ZNF385D: variants seen among roughly 807,000 people sequenced by gnomAD.
ZNF385D encodes the protein zinc finger protein 385D, also known as zinc finger protein 659.
ZNF385D carries 15 observed loss-of-function variants against 35.8 expected under a neutral mutation model. The observed-to-expected ratio is 0.42, with a 90% CI of 0.28 to 0.64. The LOEUF is 0.64. Among genes scored for constraint, ZNF385D ranks in the 30% least tolerant of loss-of-function variants. ZNF385D has a pLI of 0.23. For synonymous variants in ZNF385D, 212 were observed against 186.8 expected (o/e 1.13, Z -1.10); for missense variants, 474 against 494.6 (o/e 0.96, Z 0.39).
chr3:21,644,336 G>C (rs1018103689), intron 2 of ZNF385D, among the ~76,000 whole-genome samples: 1 of 152,112 alleles, frequency 6.6e-6, no homozygotes, highest in South Asian at 2.1e-4. Flanking sequence ...GGTGGCCAGA[G>C]ACTCTCCCCA....
At chr3:22,234,316 A>C (rs1308055598) in intron 2 of ZNF385D, among the ~76,000 whole-genome samples, 1 of 152,116 alleles carries the variant, frequency 6.6e-6, no homozygotes, top group East Asian at 1.9e-4. Context: ...TGCTTCATCC[A>C]GCAATTCAAT....
At chr3:21,650,249 T>C (rs918194716) in intron 2 of ZNF385D, among the ~76,000 whole-genome samples, 1 of 152,144 alleles carries the variant, frequency 6.6e-6, no homozygotes. Flanking sequence ...ACAAAGTTCA[T>C]CTATTTGTCA....
chr3:21,436,202 T>C (rs563626767), intron 5 of ZNF385D, among the ~76,000 whole-genome samples: 12 of 152,106 alleles, frequency 7.9e-5, no homozygotes, highest in African/African-American at 2.9e-4. Context: ...TATATACACA[T>C]ACAGAGCAGC....
chr3:21,576,256 T>C (rs757207841), intron 2 of ZNF385D, among the ~76,000 whole-genome samples: 3 of 152,210 alleles, frequency 2.0e-5, no homozygotes, highest in Non-Finnish European at 4.4e-5. Flanking sequence ...GAGCTGATTT[T>C]GTTCAGAAAA....
chr3:21,813,559 A>C (rs1462192609), intron 3 of ZNF385D, among the ~76,000 whole-genome samples: 1 of 152,220 alleles, frequency 6.6e-6, no homozygotes, highest in Non-Finnish European at 1.5e-5. Flanking sequence ...ACTCATGCAC[A>C]AGCTTCAGTA....
At chr3:22,295,122 A>G (rs1182980975) in intron 2 of ZNF385D, among the ~76,000 whole-genome samples, 1 of 152,146 alleles carries the variant, frequency 6.6e-6, no homozygotes, top group Non-Finnish European at 1.5e-5. Context: ...CATGCTGTTA[A>G]TAACTTGTTT....
intron 3 of ZNF385D, among the ~76,000 whole-genome samples, chr3:22,112,575 TGTAA>T (rs1181810828): frequency 2.6e-5 from 4 of 152,160 alleles, no homozygotes; most frequent in South Asian, 2.1e-4. Flanking sequence ...ACATCAGCTA[TGTAA>T]GTGTTATGAC....
chr3:22,048,432 G>C (rs1003355540), intron 3 of ZNF385D, among the ~76,000 whole-genome samples: 1 of 152,118 alleles, frequency 6.6e-6, no homozygotes, highest in African/African-American at 2.4e-5. Context: ...TGGGGTGCAA[G>C]ATAAGGATTA....
intron 3 of ZNF385D, among the ~76,000 whole-genome samples, chr3:22,068,986 ACC>A (rs1700101346): frequency 6.6e-6 from 1 of 152,034 alleles, no homozygotes. Context: ...ACTCTCCCTT[ACC>A]CTCAGCTTTA....
In ZNF385D at chr3:21,638,721, TG is replaced by T. The variant is rs1311662623; in HGVS notation, c.165+26164del. Among the ~76,000 whole-genome samples, 4 of 152,246 alleles carry T rather than the reference TG, an allele frequency of 2.6e-5. No individual in the cohort carries two copies. The East Asian group carries it at 7.7e-4, about 29-fold the overall frequency. On this transcript the variant is annotated intron_variant, in intron 2 of 7. Transcript: ENST00000281523. The stretch of plus-strand genomic sequence containing the variant: ...GGCATATCTCAATCAAGAAGTACAT[TG>T]GTTTTGTACATAGAAAGCTACTTTA...
At chr3:22,035,910 G>A (rs951748344) in intron 3 of ZNF385D, among the ~76,000 whole-genome samples, 2 of 151,278 alleles carry the variant, frequency 1.3e-5, no homozygotes, top group Admixed American at 6.6e-5. Flanking sequence ...AATGATTAGG[G>A]ACACAGGTGG....
At chr3:21,811,502 A>G (rs2072920874) in intron 3 of ZNF385D, among the ~76,000 whole-genome samples, 2 of 152,218 alleles carry the variant, frequency 1.3e-5, no homozygotes, top group Admixed American at 1.3e-4. Context: ...AATACAAAAT[A>G]TGTTAAAATG....
At chr3:22,260,317 G>T (rs548532550) in intron 2 of ZNF385D, among the ~76,000 whole-genome samples, 1 of 151,896 alleles carries the variant, frequency 6.6e-6, no homozygotes, top group Non-Finnish European at 1.5e-5. Flanking sequence ...AGAACACAGG[G>T]AGGGAAACAT....
intron 1 of ZNF385D, among the ~76,000 whole-genome samples, chr3:21,675,168 G>A (rs1407319367): frequency 6.6e-6 from 1 of 152,024 alleles, no homozygotes; most frequent in Non-Finnish European, 1.5e-5. Context: ...AAGATTTTTA[G>A]TGCAATTAAG....
In ZNF385D at chr3:21,485,362, G is replaced by A. The variant is rs930630724; in HGVS notation, c.439+25499C>T. ...ACACTTATGTTATTATGAAGGGCAA[G>A]CTCTACTAAATACTGGAGCCGACTT... On this transcript the variant is annotated intron_variant, in intron 4 of 7. Coordinates refer to ENST00000281523, the MANE Select transcript of ZNF385D (RefSeq NM_024697.3). Among the ~76,000 whole-genome samples, 7 of 152,112 alleles carry A rather than the reference G, an allele frequency of 4.6e-5. No homozygotes were observed. In the East Asian group the frequency reaches 1.4e-3, roughly 29 times the overall value.
At chr3:21,819,710 G>T (rs1294012764) in intron 3 of ZNF385D, among the ~76,000 whole-genome samples, 1 of 140,598 alleles carries the variant, frequency 7.1e-6, no homozygotes, top group African/African-American at 2.6e-5. Flanking sequence ...ATATATACAC[G>T]TATATATATA....
chr3:22,303,202 C>A (rs772490533), intron 2 of ZNF385D, among the ~76,000 whole-genome samples: 25 of 152,150 alleles, frequency 1.6e-4, no homozygotes, highest in Non-Finnish European at 3.2e-4. Flanking sequence ...GCCTCTCTTG[C>A]AGCTACATGT....
At chr3:21,842,554 C>A (rs557627107) in intron 3 of ZNF385D, among the ~76,000 whole-genome samples, 1 of 151,984 alleles carries the variant, frequency 6.6e-6, no homozygotes, top group Non-Finnish European at 1.5e-5. Flanking sequence ...CATGGCAATG[C>A]TTTTAAATAT....
chr3:22,241,438 C>A (rs1375270321), intron 2 of ZNF385D, among the ~76,000 whole-genome samples: 1 of 151,152 alleles, frequency 6.6e-6, no homozygotes, highest in African/African-American at 2.4e-5. Context: ...GTATTTGTTT[C>A]TCGTCTGAAT....
Sources: gnomAD v4.1 joint callset for allele counts (sites outside exome capture counted in the v4.1 genomes callset) on GRCh38, gnomAD v4.1.1 for gene constraint, MANE v1.5 for transcripts, NCBI Gene and HGNC (gene_info 2026-07-23, HGNC 2026-07-21) for gene names.